SRBD1: variants seen among roughly 807,000 people sequenced by gnomAD.
The protein encoded by SRBD1 is S1 RNA binding domain 1.
Under a neutral mutation model 115.3 loss-of-function variants are expected in SRBD1, and 88 were observed. The ratio of observed to expected loss-of-function variants is 0.76; its 90% CI spans 0.64 to 0.91. SRBD1 has a LOEUF of 0.91. Ranked by LOEUF, SRBD1 falls within the 40% of genes least tolerant of loss-of-function variation. SRBD1 has a pLI of 0.00. For synonymous variants in SRBD1, 509 were observed against 407.7 expected (o/e 1.25, Z -2.99); for missense variants, 1,385 against 1,177.4 (o/e 1.18, Z -2.58).
At chr2:45,598,341 G>A (rs1042200882) in intron 4 of SRBD1, among the ~76,000 whole-genome samples, 2 of 152,094 alleles carry the variant, frequency 1.3e-5, no homozygotes, top group Non-Finnish European at 2.9e-5. Flanking sequence ...CAGGCCAGGC[G>A]TGGTGGCTCA....
chr2:45,532,926 A>C (rs376023075), intron 14 of SRBD1, among the ~76,000 whole-genome samples: 1 of 152,102 alleles, frequency 6.6e-6, no homozygotes, highest in East Asian at 1.9e-4. Flanking sequence ...AAGGATCTCA[A>C]CAAAGGATTT....
At chr2:45,492,006 G>A (rs1328822462) in intron 14 of SRBD1, among the ~76,000 whole-genome samples, 3 of 152,000 alleles carry the variant, frequency 2.0e-5, no homozygotes, top group Admixed American at 6.6e-5. Context: ...ATTTTTAATA[G>A]AGACGGGGTT....
intron 16 of SRBD1, among the ~76,000 whole-genome samples, chr2:45,428,551 CAAAAAAATAAAT>C (rs1234171826): frequency 1.9e-4 from 27 of 144,796 alleles, no homozygotes; most frequent in African/African-American, 7.0e-4. Flanking sequence ...GACTCCGTCT[CAAAAAAATAAAT>C]AAATAAATAA....
chr2:45,498,297 C>T (rs569627922), intron 14 of SRBD1, among the ~76,000 whole-genome samples: 2 of 152,180 alleles, frequency 1.3e-5, no homozygotes, highest in East Asian at 3.9e-4. Flanking sequence ...AACTGCAAGT[C>T]TTTTATCAGA....
chr2:45,533,339 C>CCTAT (rs1671670578), intron 14 of SRBD1, among the ~76,000 whole-genome samples: 1 of 151,960 alleles, frequency 6.6e-6, no homozygotes, highest in African/African-American at 2.4e-5. Context: ...TGCACTGGAC[C>CCTAT]CTATCTACAG....
At chr2:45,518,384 A>G (rs1671183379) in intron 14 of SRBD1, among the ~76,000 whole-genome samples, 1 of 152,196 alleles carries the variant, frequency 6.6e-6, no homozygotes, top group African/African-American at 2.4e-5. Flanking sequence ...CTGCTATATG[A>G]GATTATTTTG....
At chr2:45,585,055 C>A (rs1019872201) in intron 5 of SRBD1, among the ~76,000 whole-genome samples, 3 of 151,814 alleles carry the variant, frequency 2.0e-5, no homozygotes, top group African/African-American at 7.3e-5. Context: ...GAGGCTGAGG[C>A]AGGAGAGTCG....
chr2:45,466,339 C>T (rs1273253385), intron 16 of SRBD1, among the ~76,000 whole-genome samples: 1 of 152,158 alleles, frequency 6.6e-6, no homozygotes, highest in Non-Finnish European at 1.5e-5. Flanking sequence ...TTCCTGGAGG[C>T]ATCCTGTGGA....
intron 14 of SRBD1, among the ~76,000 whole-genome samples, chr2:45,533,044 G>T (rs532501218): frequency 6.6e-6 from 1 of 151,940 alleles, no homozygotes; most frequent in African/African-American, 2.4e-5. Context: ...ATAAGAAACT[G>T]AATACATTTT....
At chr2:45,548,307 G>C (rs1012039480) in intron 12 of SRBD1, among the ~76,000 whole-genome samples, 3 of 151,720 alleles carry the variant, frequency 2.0e-5, no homozygotes, top group East Asian at 1.9e-4. Flanking sequence ...AATCACTTAA[G>C]AGAAAAACAT....
chr2:45,489,325 T>G (rs1670222366), intron 14 of SRBD1, among the ~76,000 whole-genome samples: 1 of 152,214 alleles, frequency 6.6e-6, no homozygotes, highest in Non-Finnish European at 1.5e-5. Context: ...TTTACTTCAA[T>G]TGCATGAGGC....
chr2:45,430,309 G>A (rs1668293317), intron 16 of SRBD1, among the ~76,000 whole-genome samples: 1 of 151,924 alleles, frequency 6.6e-6, no homozygotes, highest in Non-Finnish European at 1.5e-5. Flanking sequence ...ATTTCATATG[G>A]AACCAAAAAA....
At chr2:45,533,755 T>C (rs1389426896) in intron 14 of SRBD1, among the ~76,000 whole-genome samples, 1 of 152,064 alleles carries the variant, frequency 6.6e-6, no homozygotes, top group Non-Finnish European at 1.5e-5. Flanking sequence ...AATTGCTACA[T>C]TAATGCTGAA....
intron 19 of SRBD1, among the ~76,000 whole-genome samples, chr2:45,401,269 G>C (rs1185754256): frequency 6.6e-6 from 1 of 152,138 alleles, no homozygotes; most frequent in South Asian, 2.1e-4. Context: ...AACATAGAGA[G>C]ACTGCTGTAT....
intron 19 of SRBD1, among the ~76,000 whole-genome samples, chr2:45,394,498 G>A (rs1449084605): frequency 1.3e-5 from 2 of 152,154 alleles, no homozygotes; most frequent in Non-Finnish European, 2.9e-5. Flanking sequence ...AATACAAAAA[G>A]AGAAAAAGGG....
intron 14 of SRBD1, among the ~76,000 whole-genome samples, chr2:45,499,966 T>C (rs1670576880): frequency 6.6e-6 from 1 of 152,210 alleles, no homozygotes; most frequent in Non-Finnish European, 1.5e-5. Flanking sequence ...AAGGATTGCA[T>C]TAGCTATTTG....
At chr2:45,399,819 A>G (rs897070383) in intron 19 of SRBD1, among the ~76,000 whole-genome samples, 1 of 152,206 alleles carries the variant, frequency 6.6e-6, no homozygotes, top group African/African-American at 2.4e-5. Flanking sequence ...TCTACAGCTC[A>G]AAAACACTGT....
chr2:45,438,311 C>T (rs1008678457), intron 16 of SRBD1, among the ~76,000 whole-genome samples: 2 of 152,176 alleles, frequency 1.3e-5, no homozygotes, highest in African/African-American at 4.8e-5. Context: ...TTCAACAACA[C>T]AGAGCATCCA....
intron 18 of SRBD1, among the ~76,000 whole-genome samples, chr2:45,414,398 T>C (rs946293664): frequency 1.3e-5 from 2 of 150,914 alleles, no homozygotes; most frequent in South Asian, 4.2e-4. Flanking sequence ...GATGTAAATA[T>C]ATATACATTA....
Sources: gnomAD v4.1 joint callset for allele counts (sites outside exome capture counted in the v4.1 genomes callset) on GRCh38, gnomAD v4.1.1 for gene constraint, MANE v1.5 for transcripts, NCBI Gene and HGNC (gene_info 2026-07-23, HGNC 2026-07-21) for gene names.